The following SV2B variants were observed in gnomAD, a reference collection of about 807,000 sequenced individuals.
SV2B encodes the protein synaptic vesicle glycoprotein 2B.
In SV2B, 41 loss-of-function variants were observed where a neutral mutation model predicts 73.9. The observed-to-expected ratio is 0.56, with a 90% CI of 0.43 to 0.72. The LOEUF is 0.72. Among genes scored for constraint, SV2B ranks in the 30% least tolerant of loss-of-function variants. The pLI is 0.00. For missense variants in SV2B, 764 were observed against 857.8 expected (o/e 0.89, Z 1.37); for synonymous variants, 314 against 314.2 (o/e 1.00, Z 0.01).
In SV2B at chr15:91,295,696, T is replaced by G. The variant is rs2049196994; in HGVS notation, c.*3144T>G. ...ACTCGCCATTCCCTGAGACCATTCATTGACTATTCCCTTGATGGCTTTACT... is the reference window on the plus strand; with the variant it reads ...ACTCGCCATTCCCTGAGACCATTCAGTGACTATTCCCTTGATGGCTTTACT... On this transcript the variant is annotated 3_prime_UTR_variant, in exon 13 of 13. Transcript: ENST00000394232. 6.6e-6 allele frequency: 1 copy of G among 152,238 alleles called. No individual in the cohort carries two copies. Among genetic ancestry groups the G allele is most frequent in the Admixed American group, 6.5e-5 (1 of 15,288 alleles). 9.4% of individuals were successfully genotyped at this position (152,238 alleles called of 1,614,324 possible).
upstream of SV2B, chr15:91,100,154 G>A (rs1004182443): frequency 1.3e-5 from 2 of 152,108 alleles, no homozygotes; most frequent in African/African-American, 2.4e-5. This position sits in a 1 kb window ranked among gnomAD's most constrained non-coding sequence, Gnocchi z 6.4. Context: ...CCCGCCCCGC[G>A]TGCTCTGTAG....
chr15:91,204,489 T>G (rs1472219370), intron 1 of SV2B, among the ~76,000 whole-genome samples: 1 of 152,078 alleles, frequency 6.6e-6, no homozygotes, highest in Non-Finnish European at 1.5e-5. Flanking sequence ...GTAGGTAGTT[T>G]TTTTTTGAGA....
chr15:91,180,430 A>C (rs533252571), intron 1 of SV2B, among the ~76,000 whole-genome samples: 131 of 151,880 alleles, frequency 8.6e-4, no homozygotes, highest in African/African-American at 3.0e-3. Context: ...CCTGAATCTG[A>C]ATGTTGGCCT....
intron 2 of SV2B, among the ~76,000 whole-genome samples, chr15:91,250,662 T>G (rs2047448158): frequency 6.6e-6 from 1 of 152,192 alleles, no homozygotes; most frequent in African/African-American, 2.4e-5. Context: ...TGTTTCTATA[T>G]GCTAACAATG....
intron 1 of SV2B, among the ~76,000 whole-genome samples, chr15:91,120,889 T>A (rs2042316739): frequency 6.6e-6 from 1 of 152,140 alleles, no homozygotes; most frequent in African/African-American, 2.4e-5. Flanking sequence ...GGCTTTGAGT[T>A]CTTTAAATTC....
chr15:91,101,163 G>A (rs1229140605), intron 1 of SV2B, among the ~76,000 whole-genome samples: 2 of 152,138 alleles, frequency 1.3e-5, no homozygotes, highest in Non-Finnish European at 2.9e-5. Flanking sequence ...GTGGGACGCT[G>A]GGGGAATGCT....
chr15:91,273,317 C>A (rs932129620), intron 9 of SV2B, among the ~76,000 whole-genome samples: 2 of 152,156 alleles, frequency 1.3e-5, no homozygotes, highest in African/African-American at 2.4e-5. Flanking sequence ...AATCTGTGAC[C>A]TGTCTAAGCC....
chr15:91,114,983 C>T (rs1339549060), intron 1 of SV2B, among the ~76,000 whole-genome samples: 1 of 152,112 alleles, frequency 6.6e-6, no homozygotes, highest in Non-Finnish European at 1.5e-5. Flanking sequence ...AGAGCCTAGC[C>T]CAACTGGGGT....
chr15:91,223,936 T>C lies in SV2B; in HGVS notation c.-391-1937T>C, dbSNP rs1406731916. Among the ~76,000 whole-genome samples the C allele has an allele frequency of 6.6e-6, 1 of 152,254 alleles. No individual in the cohort carries two copies. The highest frequency in any genetic ancestry group is 2.4e-5 in the African/African-American group (1 of 41,470). On this transcript the variant is annotated intron_variant, in intron 1 of 12. Transcript: ENST00000394232. The surrounding 1 kb of genome is among the most constrained non-coding windows in gnomAD (Gnocchi z 4.6). Reference sequence around the variant, plus strand: ...GCCCTATCCTGCAGATTCAGTGTCTTTCAGGGAGGGGTCCTGGAATTGGCA... The same window carrying C: ...GCCCTATCCTGCAGATTCAGTGTCTCTCAGGGAGGGGTCCTGGAATTGGCA...
intron 1 of SV2B, among the ~76,000 whole-genome samples, chr15:91,189,896 G>A (rs1315775629): frequency 2.0e-5 from 3 of 152,112 alleles, no homozygotes; most frequent in Non-Finnish European, 4.4e-5. Flanking sequence ...GCTGAGGCAG[G>A]AGAATGGCAT....
chr15:91,114,795 T>C (rs2042132962), intron 1 of SV2B, among the ~76,000 whole-genome samples: 2 of 152,178 alleles, frequency 1.3e-5, no homozygotes, highest in South Asian at 4.1e-4. Context: ...CTGGGAGTGC[T>C]CGTGTATTGA....
At chr15:91,185,271 G>C (rs8031740) in intron 1 of SV2B, among the ~76,000 whole-genome samples, 113,571 of 152,168 alleles carry the variant, frequency 0.75, 43,617 homozygotes, top group African/African-American at 0.94. Context: ...AAAAATGAAC[G>C]TCTTCAAAAT....
At chr15:91,248,143 A>T (rs1170288138) in intron 2 of SV2B, among the ~76,000 whole-genome samples, 1 of 152,070 alleles carries the variant, frequency 6.6e-6, no homozygotes, top group African/African-American at 2.4e-5. Flanking sequence ...AACACGGTGA[A>T]ACCCCGTCTC....
intron 1 of SV2B, among the ~76,000 whole-genome samples, chr15:91,202,279 A>G (rs1293367697): frequency 6.6e-6 from 1 of 152,190 alleles, no homozygotes; most frequent in Non-Finnish European, 1.5e-5. Context: ...GAGGTCAGGG[A>G]CTTTGTGTTC....
rs958539520 is a variant in SV2B at position 91,245,676 on chromosome 15, C to T, written c.452-6143C>T. On this transcript the variant is annotated intron_variant, in intron 2 of 12. Transcript: ENST00000394232. This position sits in a 1 kb window ranked among gnomAD's most constrained non-coding sequence, Gnocchi z 4.2. ...TCAAGCAAAATCAACATGGTCCCTT[C>T]GTCCAGGAGTTTACAGTCACAGGAG... Among the ~76,000 whole-genome samples the T allele has an allele frequency of 2.0e-5, 3 of 152,142 alleles. No homozygotes were observed. Among genetic ancestry groups the T allele is most frequent in the African/African-American group, 7.2e-5 (3 of 41,442 alleles).
intron 1 of SV2B, among the ~76,000 whole-genome samples, chr15:91,131,651 G>GAA (rs111276085): frequency 3.5e-5 from 5 of 142,878 alleles, no homozygotes; most frequent in Non-Finnish European, 7.7e-5. Context: ...CAAAAAATTT[G>GAA]AAAAAAAAAA....
At chr15:91,155,158 A>G (rs1462802312) in intron 1 of SV2B, among the ~76,000 whole-genome samples, 1 of 152,170 alleles carries the variant, frequency 6.6e-6, no homozygotes, top group Non-Finnish European at 1.5e-5. Context: ...AAGAGAAGCC[A>G]TAGAAAATAG....
rs1335246420 is a variant in SV2B at position 91,253,969 on chromosome 15, T to C, written c.784+1449T>C. Among the ~76,000 whole-genome samples, 1 of 151,928 alleles carries C rather than the reference T, an allele frequency of 6.6e-6. No homozygotes were observed. The highest frequency in any genetic ancestry group is 1.9e-4 in the East Asian group (1 of 5,178). On this transcript the variant is annotated intron_variant, in intron 4 of 12. Transcript: ENST00000394232. The surrounding 1 kb of genome is among the most constrained non-coding windows in gnomAD (Gnocchi z 5.0). ...TGAAAAGGAATAGTGAAATAAAGAG[T>C]TGAAGAGTTTTCCAGCCAATTCTGT...
intron 1 of SV2B, among the ~76,000 whole-genome samples, chr15:91,213,012 G>A (rs959665722): frequency 1.3e-5 from 2 of 151,492 alleles, no homozygotes; most frequent in African/African-American, 4.9e-5. Flanking sequence ...AATTAGCTGG[G>A]CATGGTGGCT....
Sources: gnomAD v4.1 joint callset for allele counts (sites outside exome capture counted in the v4.1 genomes callset) on GRCh38, gnomAD v4.1.1 for gene constraint, Gnocchi (gnomAD v3.1) non-coding constraint, MANE v1.5 for transcripts, NCBI Gene and HGNC (gene_info 2026-07-23, HGNC 2026-07-21) for gene names.